EXOC5: variants seen among roughly 807,000 people sequenced by gnomAD.
The protein encoded by EXOC5 is exocyst complex component 5.
A neutral mutation model predicts 90.8 loss-of-function variants in EXOC5; 17 were observed. That is an observed-to-expected ratio of 0.19 (90% CI 0.13 to 0.28). The LOEUF (loss-of-function observed/expected upper bound fraction) is 0.28. Ranked by LOEUF, EXOC5 falls within the 10% of genes least tolerant of loss-of-function variation. The pLI is 1.00. For missense variants in EXOC5, 569 were observed against 830.6 expected (o/e 0.69, Z 3.87); for synonymous variants, 260 against 270.0 (o/e 0.96, Z 0.36).
At chr14:57,232,626 A>C in intron 10 of EXOC5, 41 bp downstream of exon 10, 1 of 882,354 alleles carries the variant, frequency 1.1e-6, no homozygotes, top group Non-Finnish European at 1.7e-6. Flanking sequence ...AAAAATTTAA[A>C]AAATCTGTTA....
chr14:57,258,533 A>C (rs1227697291), intron 1 of EXOC5, among the ~76,000 whole-genome samples: 1 of 152,142 alleles, frequency 6.6e-6, no homozygotes, highest in East Asian at 1.9e-4. Flanking sequence ...AACATCACAC[A>C]CCAGGGCCTG....
At chr14:57,210,112 T>A in intron 15 of EXOC5, 51 bp from the exon 16 acceptor site, 1 of 777,062 alleles carries the variant, frequency 1.3e-6, no homozygotes, top group Non-Finnish European at 2.2e-6. Flanking sequence ...TTACTCTATG[T>A]TTATGTTTAA....
At chr14:57,268,349 GC>G (rs1252352646) in intron 1 of EXOC5, 3 of 798,488 alleles carry the variant, frequency 3.8e-6, no homozygotes, top group Middle Eastern at 3.9e-4. Flanking sequence ...TTTCCCTCTT[GC>G]CCCCACAAAC....
chr14:57,232,977 G>C (rs1479358303), intron 9 of EXOC5: 7 of 357,900 alleles, frequency 2.0e-5, no homozygotes, highest in Non-Finnish European at 3.5e-5. Flanking sequence ...TCAGTCTTAG[G>C]AATAATACCT....
chr14:57,222,680 C>A (rs1290903759), intron 12 of EXOC5, among the ~76,000 whole-genome samples: 1 of 150,880 alleles, frequency 6.6e-6, no homozygotes, highest in Non-Finnish European at 1.5e-5. Context: ...AGTATACTTT[C>A]ATAAAATGTA....
At chr14:57,217,583 A>G (rs60328452) in intron 15 of EXOC5, among the ~76,000 whole-genome samples, 1 of 151,988 alleles carries the variant, frequency 6.6e-6, no homozygotes, top group Admixed American at 6.6e-5. Flanking sequence ...ACTACTCCAG[A>G]TAATGGCTGT....
At chr14:57,262,513 C>T (rs1257880677) in intron 1 of EXOC5, among the ~76,000 whole-genome samples, 1 of 149,644 alleles carries the variant, frequency 6.7e-6, no homozygotes, top group South Asian at 2.1e-4. Context: ...GGATGTCTTG[C>T]TAAAAACTCA....
chr14:57,268,668 C>T lies in EXOC5; in HGVS notation c.-20G>A. On this transcript the variant is annotated 5_prime_UTR_variant, in exon 1 of 18. Coordinates refer to ENST00000621441, the MANE Select transcript of EXOC5 (RefSeq NM_006544.4). Reference sequence around the variant, plus strand: ...AGCCATCCCGGCCGGCTGAGAGGCTCGCCCCCCACTGGATGCCGTCTCCGC... The same window carrying T: ...AGCCATCCCGGCCGGCTGAGAGGCTTGCCCCCCACTGGATGCCGTCTCCGC... The T allele has an allele frequency of 6.3e-7, 1 of 1,579,634 alleles. No individual in the cohort carries two copies. The highest frequency in any genetic ancestry group is 2.3e-5 in the East Asian group (1 of 43,182).
chr14:57,268,863 C>T lies in EXOC5; in HGVS notation c.-215G>A. On this transcript the variant is annotated 5_prime_UTR_variant, in exon 1 of 18. Coordinates refer to ENST00000621441, the MANE Select transcript of EXOC5 (RefSeq NM_006544.4). The stretch of plus-strand genomic sequence containing the variant: ...GTCAGCTGCCTCCCGGCGCCGCCCG[C>T]GCTGCTCCCATTGTCACCGCCTCAT... 1 of 1,286,512 alleles carries T rather than the reference C, an allele frequency of 7.8e-7. No individual in the cohort carries two copies. Among genetic ancestry groups the T allele is most frequent in the Admixed American group, 3.3e-5 (1 of 29,982 alleles). The allele number at this position is 1,286,512 out of a possible 1,614,324, so 79.7% of individuals were successfully genotyped here.
Position 57,207,809 on chromosome 14 carries a change from A to C in EXOC5, c.*800T>G, listed in dbSNP as rs182897962. On this transcript the variant is annotated 3_prime_UTR_variant, in exon 18 of 18. Transcript: ENST00000621441. ...CCTTATAATATTAAAATAATGAATA[A>C]ATATGGTCCTTTAGTTAAGGTCCTC... 6.6e-6 allele frequency: 1 copy of C among 152,210 alleles called. No homozygotes were observed. Among genetic ancestry groups the C allele is most frequent in the East Asian group, 1.9e-4 (1 of 5,182 alleles). The allele number at this position is 152,210 out of a possible 1,614,324, so 9.4% of individuals were successfully genotyped here. A position where few individuals can be genotyped will look rare whatever the true frequency, so the allele number is the denominator to read the frequency against.
In EXOC5 at chr14:57,234,537, G is replaced by A. The variant is rs57516812; in HGVS notation, c.670-505C>T. Among the ~76,000 whole-genome samples the A allele has an allele frequency of 9.6e-3, 1,358 of 141,148 alleles. 19 individuals carry two copies. The highest frequency in any genetic ancestry group is 0.03 in the African/African-American group (1,174 of 38,690). The allele number at this position is 141,148 out of a possible 152,430, so 92.6% of individuals were successfully genotyped here. A position where few individuals can be genotyped will look rare whatever the true frequency, so the allele number is the denominator to read the frequency against. On this transcript the variant is annotated intron_variant, in intron 7 of 17. Coordinates refer to ENST00000621441, the MANE Select transcript of EXOC5 (RefSeq NM_006544.4). ...TGTGTGTGTGTGTGTGTGTGTGTGT[G>A]TATATATATATATATGTGTATATAT...
Position 57,208,324 on chromosome 14 carries a change from A to G in EXOC5, c.*285T>C, listed in dbSNP as rs1878131590. ...CCTTCTGACAGCAACATTTTCTAGG[A>G]TAAAAACAGTGACATGTAGTTTTAG... On this transcript the variant is annotated 3_prime_UTR_variant, in exon 18 of 18. Coordinates refer to ENST00000621441, the MANE Select transcript of EXOC5 (RefSeq NM_006544.4). 1 of 265,124 alleles carries G rather than the reference A, an allele frequency of 3.8e-6. No homozygotes were observed. The highest frequency in any genetic ancestry group is 2.2e-5 in the African/African-American group (1 of 45,728). 16.4% of individuals were successfully genotyped at this position (265,124 alleles called of 1,614,324 possible). A position where few individuals can be genotyped will look rare whatever the true frequency, so the allele number is the denominator to read the frequency against.
At chr14:57,247,175 C>A (rs1158339988) in intron 2 of EXOC5, among the ~76,000 whole-genome samples, 1 of 152,060 alleles carries the variant, frequency 6.6e-6, no homozygotes, top group East Asian at 1.9e-4. Flanking sequence ...CACCCAGAAT[C>A]CCCAATAAAC....
chr14:57,205,471 T>A lies in EXOC5; in HGVS notation c.*3138A>T, dbSNP rs181642324. On this transcript the variant is annotated 3_prime_UTR_variant, in exon 18 of 18. Transcript: ENST00000621441. ...CTTTGTTAGTCACCAACAAATTATG[T>A]ACTGACTGAACTGCTGTCTCTCAAA... The A allele has an allele frequency of 4.7e-4, 80 of 171,978 alleles. No individual in the cohort carries two copies. The highest frequency in any genetic ancestry group is 1.9e-3 in the Admixed American group (31 of 16,216). The allele number at this position is 171,978 out of a possible 1,614,324, so 10.7% of individuals were successfully genotyped here.
intron 4 of EXOC5, among the ~76,000 whole-genome samples, chr14:57,240,919 C>A (rs1883839994): frequency 1.3e-5 from 2 of 151,900 alleles, no homozygotes; most frequent in Non-Finnish European, 2.9e-5. Flanking sequence ...GTGGCATGAT[C>A]TTGGCTCACT....
At chr14:57,252,216 A>G (rs1884217244) in intron 1 of EXOC5, among the ~76,000 whole-genome samples, 1 of 152,204 alleles carries the variant, frequency 6.6e-6, no homozygotes, top group African/African-American at 2.4e-5. Context: ...TGAGGCCAGC[A>G]TTACCCTGAT....
intron 15 of EXOC5, among the ~76,000 whole-genome samples, chr14:57,215,241 A>AAAG (rs1425251349): frequency 6.6e-6 from 1 of 152,250 alleles, no homozygotes; most frequent in East Asian, 1.9e-4. Flanking sequence ...CAAAAAAAAA[A>AAAG]AAGAAGAAGA....
In EXOC5 at chr14:57,235,584, CA is replaced by C. The variant is rs1019981698; in HGVS notation, c.669+126del. On this transcript the variant is annotated intron_variant, in intron 7 of 17. Transcript: ENST00000621441. ...CAGAGTATCAAATGTACAAATTACT[CA>C]AAACAGTGAAAATTATCACTGTGAT... 9.2e-6 allele frequency: 5 copies of C among 542,612 alleles called. No individual in the cohort carries two copies. In the African/African-American group the frequency reaches 9.4e-5, roughly 10 times the overall value. The allele number at this position is 542,612 out of a possible 1,614,324, so 33.6% of individuals were successfully genotyped here.
rs1307951126 is a variant in EXOC5, at chr14:57,208,646, T to C, written c.2090A>G (p.Asp697Gly). 6.2e-7 allele frequency: 1 copy of C among 1,609,802 alleles called. No homozygotes were observed. Among genetic ancestry groups the C allele is most frequent in the Admixed American group, 1.7e-5 (1 of 59,934 alleles). The change falls in exon 18 of 18, where the codon GAT becomes GGT. Residue 697 changes from aspartate (D) to glycine (G), a missense_variant. By Grantham distance (94) the Asp-to-Gly change is moderately conservative. Transcript: ENST00000621441. ...ILHSFVQLRADYRSARLARHF... is the reference protein window; with the variant it reads ...ILHSFVQLRAGYRSARLARHF... ...TCGAGCAAGGCGGGCAGATCTATAA[T>C]CAGCACGAAGTTGTACGAAGGAGTG...
Sources: gnomAD v4.1 joint callset for allele counts (sites outside exome capture counted in the v4.1 genomes callset) on GRCh38, gnomAD v4.1.1 for gene constraint, MANE v1.5 for transcripts, NCBI Gene and HGNC (gene_info 2026-07-23, HGNC 2026-07-21) for gene names.